ENPP1: variants seen among roughly 807,000 people sequenced by gnomAD.
ENPP1 encodes the protein ectonucleotide pyrophosphatase/phosphodiesterase family member 1.
A neutral mutation model predicts 122.8 loss-of-function variants in ENPP1; 73 were observed. The ratio of observed to expected loss-of-function variants is 0.59; its 90% CI spans 0.49 to 0.72. The LOEUF is 0.72. Ranked by LOEUF, ENPP1 falls within the 30% of genes least tolerant of loss-of-function variation. ENPP1 has a pLI of 0.00. For synonymous variants in ENPP1, 367 were observed against 391.6 expected (o/e 0.94, Z 0.74); for missense variants, 978 against 1,128.1 (o/e 0.87, Z 1.91).
chr6:131,831,535 G>A (rs970300214), intron 1 of ENPP1, among the ~76,000 whole-genome samples: 2 of 152,128 alleles, frequency 1.3e-5, no homozygotes, highest in African/African-American at 2.4e-5. Flanking sequence ...TTTTCTTGGC[G>A]AAGCGTCTCA....
Position 131,874,294 on chromosome 6 carries a change from G to T in ENPP1, c.1592G>T (p.Gly531Val). 1.3e-6 allele frequency: 2 copies of T among 1,596,992 alleles called. No individual in the cohort carries two copies. The highest frequency in any genetic ancestry group is 1.7e-6 in the Non-Finnish European group (2 of 1,165,368). ...AATCCCTCAGAAAGGAAATATTGTG[G>T]AAGTGGATTTCATGGCTCTGACAAT... ...ALNPSERKYC[G>V]SGFHGSDNVF... Residue 531 changes from glycine to valine, a missense_variant, in exon 16 of 25, where the codon GGA becomes GTA. Gly to Val is a moderately radical substitution (Grantham distance 109, BLOSUM62 -3). Transcript: ENST00000647893.
intron 1 of ENPP1, among the ~76,000 whole-genome samples, chr6:131,831,523 G>A (rs1781614230): frequency 6.6e-6 from 1 of 152,082 alleles, no homozygotes; most frequent in Non-Finnish European, 1.5e-5. Context: ...GCCTCCTTAG[G>A]CTTTTCTTGG....
chr6:131,886,058 A>T (rs1323181255), intron 23 of ENPP1, among the ~76,000 whole-genome samples: 1 of 152,242 alleles, frequency 6.6e-6, no homozygotes, highest in African/African-American at 2.4e-5. Context: ...CATCTTTGAT[A>T]ATATACTTCA....
chr6:131,831,804 G>A (rs1485722827), intron 1 of ENPP1, among the ~76,000 whole-genome samples: 1 of 152,002 alleles, frequency 6.6e-6, no homozygotes, highest in Non-Finnish European at 1.5e-5. Context: ...TCTTTTTCAG[G>A]TTTCTTTGCT....
rs1316104459 is a variant in ENPP1, at chr6:131,894,899, G to A, written c.*4388G>A. On this transcript the variant is annotated 3_prime_UTR_variant, in exon 25 of 25. Coordinates refer to ENST00000647893, the MANE Select transcript of ENPP1 (RefSeq NM_006208.3). Reference sequence around the variant, plus strand: ...CAATCACTCTCCTTCTTTGCGCTATGGTAGGTGTTTACCCATCATAGGAAT... The same window carrying A: ...CAATCACTCTCCTTCTTTGCGCTATAGTAGGTGTTTACCCATCATAGGAAT... The A allele has an allele frequency of 6.6e-6, 1 of 152,158 alleles. No individual in the cohort carries two copies. Among genetic ancestry groups the A allele is most frequent in the Non-Finnish European group, 1.5e-5 (1 of 68,044 alleles). 9.4% of individuals were successfully genotyped at this position (152,158 alleles called of 1,614,324 possible).
In ENPP1 at chr6:131,854,805, A is replaced by C. The variant is rs943845005; in HGVS notation, c.618-121A>C. 1.1e-5 allele frequency: 8 copies of C among 734,552 alleles called. No individual in the cohort carries two copies. In the Admixed American group the frequency reaches 1.4e-4, roughly 13 times the overall value. The allele number at this position is 734,552 out of a possible 1,614,324, so 45.5% of individuals were successfully genotyped here. A position where few individuals can be genotyped will look rare whatever the true frequency, so the allele number is the denominator to read the frequency against. ...CCGACTTTGTTAGTTAGTTTTCTTA[A>C]GATCACACAGACCTTAGTGGAAAAT... is the stretch of plus-strand genomic sequence containing the variant. On this transcript the variant is annotated intron_variant, in intron 5 of 24. Coordinates refer to ENST00000647893, the MANE Select transcript of ENPP1 (RefSeq NM_006208.3).
Position 131,860,458 on chromosome 6 carries a change from A to G in ENPP1, c.867A>G (p.Ser289=). 6.3e-7 allele frequency: 1 copy of G among 1,595,312 alleles called. No individual in the cohort carries two copies. ...MYDPKMNASF[S]LKSKEKFNPE... is the part of the protein sequence containing the mutation. ...ATCCCAAAATGAATGCTTCCTTTTC[A>G]CTTAAAAGTAAAGAGAAATTTAATC... Residue 289 remains serine, a synonymous_variant, in exon 8 of 25, where the codon TCA becomes TCG. Coordinates refer to ENST00000647893, the MANE Select transcript of ENPP1 (RefSeq NM_006208.3).
intron 1 of ENPP1, among the ~76,000 whole-genome samples, chr6:131,843,942 G>A (rs1400854776): frequency 1.3e-5 from 2 of 151,894 alleles, no homozygotes; most frequent in Non-Finnish European, 2.9e-5. Context: ...GCTTCCTGTT[G>A]CTATACCTTA....
rs565922965 is a variant in ENPP1, at chr6:131,850,527, A to G, written c.430+421A>G. ...TTAGATTTGGAATTCTCTGCATATG[A>G]CATGGAATAATTTTTAAATGAGAGA... On this transcript the variant is annotated intron_variant, in intron 3 of 24. Coordinates refer to ENST00000647893, the MANE Select transcript of ENPP1 (RefSeq NM_006208.3). Among the ~76,000 whole-genome samples the G allele has an allele frequency of 8.5e-5, 13 of 152,338 alleles. No individual in the cohort carries two copies. In the South Asian group the frequency reaches 1.2e-3, roughly 15 times the overall value.
Position 131,890,335 on chromosome 6 carries a change from T to G in ENPP1, c.2608-6T>G. On this transcript the variant is annotated splice_polypyrimidine_tract_variant and splice_region_variant and intron_variant, in intron 24 of 24. Coordinates refer to ENST00000647893, the MANE Select transcript of ENPP1 (RefSeq NM_006208.3). Reference sequence around the variant, plus strand: ...AACTTTTCTTTTATATTTCCTATTCTCCTAGCATGGGAAGCATGACTCCTC... The same window carrying G: ...AACTTTTCTTTTATATTTCCTATTCGCCTAGCATGGGAAGCATGACTCCTC... The G allele has an allele frequency of 6.2e-7, 1 of 1,612,642 alleles. No homozygotes were observed. The highest frequency in any genetic ancestry group is 8.5e-7 in the Non-Finnish European group (1 of 1,178,616).
intron 9 of ENPP1, among the ~76,000 whole-genome samples, chr6:131,862,672 A>G (rs1222263851): frequency 1.3e-5 from 2 of 152,202 alleles, no homozygotes; most frequent in African/African-American, 4.8e-5. Context: ...CCAGATGACC[A>G]GGCTGGGTGG....
intron 15 of ENPP1, among the ~76,000 whole-genome samples, chr6:131,873,818 A>T (rs78410348): frequency 0.019 from 2,891 of 151,414 alleles, 96 homozygotes; most frequent in African/African-American, 0.065. Context: ...GTTTTCAAAA[A>T]ATATATATAT....
intron 1 of ENPP1, among the ~76,000 whole-genome samples, chr6:131,835,915 T>A (rs537783083): frequency 3.4e-4 from 51 of 152,182 alleles, no homozygotes; most frequent in Admixed American, 1.7e-3. Flanking sequence ...ATACTTGTGA[T>A]TATCTTAATT....
At chr6:131,886,462 AT>A (rs2114731330) in intron 23 of ENPP1, 99 bp from the exon 24 acceptor site, 1 of 877,120 alleles carries the variant, frequency 1.1e-6, no homozygotes, top group East Asian at 2.7e-5. Flanking sequence ...ATTTGTTTGA[AT>A]TTGATTTTTA....
At chr6:131,863,750 CAAAAAAA>C (rs56823244) in intron 9 of ENPP1, among the ~76,000 whole-genome samples, 1 of 109,860 alleles carries the variant, frequency 9.1e-6, no homozygotes, top group Non-Finnish European at 2.0e-5. Context: ...TACTAAAATA[CAAAAAAA>C]AAAAAAAAAA....
chr6:131,838,514 G>A (rs1781703295), intron 1 of ENPP1, among the ~76,000 whole-genome samples: 1 of 151,680 alleles, frequency 6.6e-6, no homozygotes, highest in African/African-American at 2.4e-5. Context: ...GATGTCTAAA[G>A]GGGTTTACAA....
At chr6:131,812,013 C>G (rs897004260) in intron 1 of ENPP1, among the ~76,000 whole-genome samples, 1 of 152,074 alleles carries the variant, frequency 6.6e-6, no homozygotes, top group Admixed American at 6.5e-5. Flanking sequence ...TGGTAGGCAA[C>G]AATTCAGGGA....
chr6:131,808,174 G>A lies in ENPP1; in HGVS notation c.139G>A (p.Ala47Thr). The A allele has an allele frequency of 3.4e-6, 5 of 1,468,352 alleles. No individual in the cohort carries two copies. The highest frequency in any genetic ancestry group is 1.3e-5 in the South Asian group (1 of 74,798). 91.0% of individuals were successfully genotyped at this position (1,468,352 alleles called of 1,614,324 possible). ...AEAPGDPQAAASLLAPMDVGE... is the reference protein window; with the variant it reads ...AEAPGDPQAATSLLAPMDVGE... Reference sequence around the variant, plus strand: ...GGCGCCCGGGGACCCGCAGGCGGCCGCGTCCTTGCTGGCCCCTATGGACGT... The same window carrying A: ...GGCGCCCGGGGACCCGCAGGCGGCCACGTCCTTGCTGGCCCCTATGGACGT... Residue 47 changes from alanine to threonine, a missense_variant, in exon 1 of 25, where the codon GCG (alanine) becomes ACG (threonine). Ala to Thr is a moderately conservative substitution (Grantham distance 58). Transcript: ENST00000647893.
Position 131,890,704 on chromosome 6 carries a change from C to T in ENPP1, c.*193C>T. ...GAGAGTGTTCCTGTTGAATCTTGCA[C>T]ATATTTGAATGTGTAAGCATTGTAT... On this transcript the variant is annotated 3_prime_UTR_variant, in exon 25 of 25. Transcript: ENST00000647893. The T allele has an allele frequency of 1.6e-6, 1 of 614,000 alleles. No homozygotes were observed. Among genetic ancestry groups the T allele is most frequent in the Admixed American group, 2.7e-5 (1 of 36,988 alleles). 38.0% of individuals were successfully genotyped at this position (614,000 alleles called of 1,614,324 possible).
Sources: allele counts gnomAD v4.1 joint callset (sites outside exome capture counted in the v4.1 genomes callset), GRCh38; gene constraint gnomAD v4.1.1; transcripts MANE v1.5; gene names NCBI Gene and HGNC (gene_info 2026-07-23, HGNC 2026-07-21).